SORCS1: variants seen among roughly 807,000 people sequenced by gnomAD.
SORCS1 encodes the protein VPS10 domain-containing receptor SorCS1.
Under a neutral mutation model 146.1 loss-of-function variants are expected in SORCS1, and 60 were observed. That is an observed-to-expected ratio of 0.41 (90% CI 0.33 to 0.51). The LOEUF is 0.51. SORCS1 is among the 20% of genes least tolerant of loss of function. The probability of loss-of-function intolerance (pLI) is 0.21; values close to 1 mark genes in which losing one functional copy is unlikely to be tolerated. For missense variants in SORCS1, 1,352 were observed against 1,487.6 expected (o/e 0.91, Z 1.50); for synonymous variants, 637 against 584.0 (o/e 1.09, Z -1.31).
At chr10:107,038,696 CGGGG>C (rs58516423) in intron 1 of SORCS1, among the ~76,000 whole-genome samples, 100,408 of 149,950 alleles carry the variant, frequency 0.67, 34,390 homozygotes, top group African/African-American at 0.78. Context: ...GGGCAGGGGG[CGGGG>C]GGGGAGGTGG....
rs184025830 is a variant in SORCS1, at chr10:106,725,508, G to A, written c.1024+4542C>T. Among the ~76,000 whole-genome samples, 393 of 151,456 alleles carry A rather than the reference G, an allele frequency of 2.6e-3. 2 individuals are homozygous for A. The highest frequency in any genetic ancestry group is 4.9e-3 in the Non-Finnish European group (334 of 67,928). On this transcript the variant is annotated intron_variant, in intron 6 of 25. Transcript: ENST00000263054. ...GGAGGTTGCAGTGAGCTGAGATCGC[G>A]CCATTACACTCCAGCCTAGGCAACA... is the stretch of plus-strand genomic sequence containing the variant.
chr10:106,938,288 C>T (rs1953856232), intron 2 of SORCS1, among the ~76,000 whole-genome samples: 1 of 152,174 alleles, frequency 6.6e-6, no homozygotes, highest in Non-Finnish European at 1.5e-5. Flanking sequence ...TGTCATTATA[C>T]ACTGGCTTGG....
intron 22 of SORCS1, among the ~76,000 whole-genome samples, chr10:106,608,925 A>G (rs530023114): frequency 6.6e-6 from 1 of 152,340 alleles, no homozygotes; most frequent in South Asian, 2.1e-4. Context: ...TAACTGCACC[A>G]GCCTGTCATC....
At chr10:107,135,956 GT>G (rs1967262946) in intron 1 of SORCS1, among the ~76,000 whole-genome samples, 1 of 152,172 alleles carries the variant, frequency 6.6e-6, no homozygotes, top group Non-Finnish European at 1.5e-5. Context: ...ACATATGGTT[GT>G]TATAGCAACT....
chr10:106,699,690 G>A (rs1853985579), intron 8 of SORCS1, among the ~76,000 whole-genome samples: 1 of 152,058 alleles, frequency 6.6e-6, no homozygotes, highest in African/African-American at 2.4e-5. Flanking sequence ...GTATGATTCG[G>A]AGAATCAAGC....
chr10:107,083,324 T>C (rs1835793401), intron 1 of SORCS1, among the ~76,000 whole-genome samples: 1 of 152,156 alleles, frequency 6.6e-6, no homozygotes, highest in Non-Finnish European at 1.5e-5. Context: ...AAAATCATTG[T>C]GGACTGTCAA....
intron 5 of SORCS1, among the ~76,000 whole-genome samples, chr10:106,760,626 T>A (rs2136244476): frequency 6.6e-6 from 1 of 151,816 alleles, no homozygotes; most frequent in Non-Finnish European, 1.5e-5. Flanking sequence ...AAATATCCGT[T>A]GTTTAAGCCA....
intron 2 of SORCS1, among the ~76,000 whole-genome samples, chr10:106,939,136 A>G (rs1444993376): frequency 3.3e-5 from 5 of 152,240 alleles, no homozygotes; most frequent in African/African-American, 1.2e-4. Flanking sequence ...AGATAATGGC[A>G]AAATTAGAAA....
chr10:106,672,116 T>C (rs1670001943), intron 15 of SORCS1, among the ~76,000 whole-genome samples: 1 of 152,346 alleles, frequency 6.6e-6, no homozygotes, highest in Admixed American at 6.5e-5. Context: ...TTGAGCAAAC[T>C]CACTTTAACT....
intron 9 of SORCS1, among the ~76,000 whole-genome samples, chr10:106,697,387 C>T (rs897330245): frequency 7.9e-5 from 12 of 151,190 alleles, no homozygotes; most frequent in Admixed American, 1.3e-4. Flanking sequence ...ACCCAGGAGG[C>T]GGAGATTGCA....
At chr10:107,101,613 C>T (rs576685199) in intron 1 of SORCS1, among the ~76,000 whole-genome samples, 95 of 152,260 alleles carry the variant, frequency 6.2e-4, no homozygotes, top group Admixed American at 1.5e-3. Flanking sequence ...CCTGCCATCT[C>T]GGTCACTCAA....
intron 23 of SORCS1, 107 bp from the exon 24 acceptor site, chr10:106,597,557 C>T (rs1026946610): frequency 9.1e-6 from 7 of 769,540 alleles, no homozygotes; most frequent in South Asian, 1.7e-5. Context: ...ATATTATACC[C>T]GTGAGTTATA....
chr10:107,004,882 T>C (rs1172761996), intron 1 of SORCS1, among the ~76,000 whole-genome samples: 1 of 152,118 alleles, frequency 6.6e-6, no homozygotes, highest in Non-Finnish European at 1.5e-5. Context: ...GGCCTGTGCG[T>C]GTATGTGACA....
intron 2 of SORCS1, among the ~76,000 whole-genome samples, chr10:106,885,982 C>A (rs1471213610): frequency 6.6e-6 from 1 of 152,168 alleles, no homozygotes; most frequent in Non-Finnish European, 1.5e-5. Context: ...TCTTTCTTGG[C>A]CAGGTGCAGT....
intron 5 of SORCS1, among the ~76,000 whole-genome samples, chr10:106,747,348 A>G (rs902777674): frequency 2.6e-5 from 4 of 152,190 alleles, no homozygotes; most frequent in Admixed American, 2.0e-4. Flanking sequence ...CCATTCCCAA[A>G]CCAAAATGAT....
chr10:106,657,627 ATATAT>A (rs896448662), intron 17 of SORCS1, among the ~76,000 whole-genome samples: 1 of 147,514 alleles, frequency 6.8e-6, no homozygotes, highest in Non-Finnish European at 1.5e-5. Context: ...TATAATAAAT[ATATAT>A]TATATATCTC....
chr10:107,167,271 A>C (rs1970075953), upstream of SORCS1, among the ~76,000 whole-genome samples: 1 of 152,232 alleles, frequency 6.6e-6, no homozygotes, highest in Admixed American at 6.5e-5. Context: ...CCCCTTATCT[A>C]GAAGACTCCA....
At chr10:107,121,595 A>T (rs1966415477) in intron 1 of SORCS1, among the ~76,000 whole-genome samples, 1 of 152,166 alleles carries the variant, frequency 6.6e-6, no homozygotes, top group South Asian at 2.1e-4. Context: ...ATTTAACAAC[A>T]TTATCAAACA....
At chr10:106,892,946 G>A (rs941351612) in intron 2 of SORCS1, among the ~76,000 whole-genome samples, 2 of 148,430 alleles carry the variant, frequency 1.3e-5, no homozygotes, top group Admixed American at 1.3e-4. Context: ...CCAGACTGGA[G>A]TGCAATGGCA....
Sources: gnomAD v4.1 joint callset for allele counts (sites outside exome capture counted in the v4.1 genomes callset) on GRCh38, gnomAD v4.1.1 for gene constraint, MANE v1.5 for transcripts, NCBI Gene and HGNC (gene_info 2026-07-23, HGNC 2026-07-21) for gene names.